The following SLC12A8 variants were observed in gnomAD, a reference collection of about 807,000 sequenced individuals.
SLC12A8 encodes cation-chloride cotransporter 9.
SLC12A8 carries 69 observed loss-of-function variants against 75.6 expected under a neutral mutation model. The ratio of observed to expected loss-of-function variants is 0.91; its 90% CI spans 0.75 to 1.11. The LOEUF is 1.11. Ranked by LOEUF, SLC12A8 falls within the 50% of genes most tolerant of loss-of-function variation. SLC12A8 has a pLI of 0.00. For synonymous variants in SLC12A8, 365 were observed against 372.8 expected, an observed-to-expected ratio of 0.98 and a Z score of 0.24; for missense variants, 877 against 896.7, an observed-to-expected ratio of 0.98 and a Z score of 0.28.
Position 125,107,579 on chromosome 3 carries a change from T to C in SLC12A8, c.1607A>G (p.Asn536Ser), listed in dbSNP as rs902316278. The C allele has an allele frequency of 6.2e-7, 1 of 1,614,142 alleles. No individual in the cohort carries two copies. The highest frequency in any genetic ancestry group is 8.5e-7 in the Non-Finnish European group (1 of 1,180,010). The change falls in exon 10 of 14, where the codon AAC becomes AGC. Residue 536 changes from asparagine (N) to serine (S), a missense_variant. By Grantham distance (46) the Asn-to-Ser change is conservative (BLOSUM62 1). Transcript: ENST00000469902. ...CCCTTCGCTCTTGGAAGTCTGCTTG[T>C]TCCAGCAGGACTCCTGCCCCTCCCA... ...ASWEGQESCW[N>S]KQTSKSEGTQ... is the part of the protein sequence containing the mutation.
chr3:125,146,453 T>TA (rs1298724492), intron 5 of SLC12A8, among the ~76,000 whole-genome samples: 2 of 152,114 alleles, frequency 1.3e-5, no homozygotes, highest in African/African-American at 2.4e-5. Context: ...TTTACCACAA[T>TA]AAAAAACAAA....
chr3:125,087,832 T>C (rs1938497478), intron 13 of SLC12A8, among the ~76,000 whole-genome samples: 1 of 152,088 alleles, frequency 6.6e-6, no homozygotes, highest in Non-Finnish European at 1.5e-5. Flanking sequence ...CCCACAGAAA[T>C]CCTCCAGGAT....
intron 5 of SLC12A8, among the ~76,000 whole-genome samples, chr3:125,141,942 G>A (rs1477801163): frequency 6.6e-6 from 1 of 152,164 alleles, no homozygotes; most frequent in Non-Finnish European, 1.5e-5. Context: ...TTCTGGGAAG[G>A]GACCCGCACG....
At chr3:125,193,468 C>T (rs1934946152) in intron 2 of SLC12A8, among the ~76,000 whole-genome samples, 1 of 152,222 alleles carries the variant, frequency 6.6e-6, no homozygotes, top group Non-Finnish European at 1.5e-5. Flanking sequence ...TTAGCTAGTG[C>T]CCAGAGCTCG....
At chr3:125,087,808 C>T (rs1271320224) in intron 13 of SLC12A8, among the ~76,000 whole-genome samples, 3 of 152,198 alleles carry the variant, frequency 2.0e-5, no homozygotes, top group Non-Finnish European at 4.4e-5. Context: ...TCCTGTATAT[C>T]TGACCATAGA....
chr3:125,167,762 C>T (rs952113249), intron 5 of SLC12A8, among the ~76,000 whole-genome samples: 5 of 152,152 alleles, frequency 3.3e-5, no homozygotes, highest in East Asian at 1.9e-4. Context: ...AGGTCTAATA[C>T]GGCATGGTGA....
chr3:125,125,021 T>C (rs1933162916), intron 6 of SLC12A8, among the ~76,000 whole-genome samples: 2 of 152,146 alleles, frequency 1.3e-5, no homozygotes, highest in African/African-American at 4.8e-5. Context: ...TTTTCGGTGC[T>C]GGGCTATTGT....
At chr3:125,206,499 C>A (rs770276270) in intron 2 of SLC12A8, among the ~76,000 whole-genome samples, 2 of 152,228 alleles carry the variant, frequency 1.3e-5, no homozygotes, top group African/African-American at 4.8e-5. Flanking sequence ...CTATCTACCT[C>A]TCTTGCCAGT....
chr3:125,118,993 G>T, intron 7 of SLC12A8, 137 bp from the exon 8 acceptor site: 1 of 584,906 alleles, frequency 1.7e-6, no homozygotes, highest in Non-Finnish European at 3.1e-6. Context: ...AGCTTCCCCA[G>T]CTGGCTTGGG....
At chr3:125,140,848 G>C (rs1933613536) in intron 5 of SLC12A8, among the ~76,000 whole-genome samples, 1 of 152,130 alleles carries the variant, frequency 6.6e-6, no homozygotes, top group Non-Finnish European at 1.5e-5. Flanking sequence ...GCCTCCCAAA[G>C]CACTGGGATT....
intron 5 of SLC12A8, among the ~76,000 whole-genome samples, chr3:125,141,187 A>G (rs1933626282): frequency 6.6e-6 from 1 of 151,736 alleles, no homozygotes; most frequent in African/African-American, 2.4e-5. Context: ...GGTGCGGGTA[A>G]GACAGAGAAC....
At chr3:125,146,643 G>A (rs1330128036) in intron 5 of SLC12A8, among the ~76,000 whole-genome samples, 1 of 152,226 alleles carries the variant, frequency 6.6e-6, no homozygotes, top group East Asian at 1.9e-4. Flanking sequence ...GGTGGAAGGT[G>A]AGGACAGAGC....
rs1934565708 is a variant in SLC12A8 at position 125,177,745 on chromosome 3, G to A, written c.620C>T (p.Pro207Leu). 1 of 1,613,370 alleles carries A rather than the reference G, an allele frequency of 6.2e-7. No individual in the cohort carries two copies. The highest frequency in any genetic ancestry group is 8.5e-7 in the Non-Finnish European group (1 of 1,179,396). ...FVVGSFTHLD[P>L]EHGFIGYSPE... ...ATACTGGACTCTGAAAGGCTTACCT[G>A]GGTCCAGGTGGGTGAAAGAACCCAC... Residue 207 changes from proline to leucine, a missense_variant and splice_region_variant, in exon 5 of 14, where the codon CCA becomes CTA. Pro to Leu is a moderately conservative substitution (Grantham distance 98). Transcript: ENST00000469902.
At chr3:125,196,614 T>C (rs1935012606) in intron 2 of SLC12A8, among the ~76,000 whole-genome samples, 1 of 152,158 alleles carries the variant, frequency 6.6e-6, no homozygotes, top group Non-Finnish European at 1.5e-5. Context: ...TATATTTACA[T>C]TCTTTCCCTC....
intron 2 of SLC12A8, among the ~76,000 whole-genome samples, chr3:125,191,026 A>G (rs997755353): frequency 6.6e-6 from 1 of 152,194 alleles, no homozygotes; most frequent in Non-Finnish European, 1.5e-5. Flanking sequence ...AGCTTCCGGC[A>G]GTTGACATTT....
chr3:125,169,084 G>C (rs1437805350), intron 5 of SLC12A8, among the ~76,000 whole-genome samples: 1 of 152,114 alleles, frequency 6.6e-6, no homozygotes. Flanking sequence ...CAGAACATAG[G>C]ATTCAAATGT....
chr3:125,128,471 C>T (rs1396262522), intron 6 of SLC12A8, among the ~76,000 whole-genome samples: 47 of 134,636 alleles, frequency 3.5e-4, no homozygotes, highest in South Asian at 2.6e-3. Context: ...TGAGCCACCG[C>T]GCCCGGCCTT....
chr3:125,135,883 A>G lies in SLC12A8; in HGVS notation c.623-101T>C, dbSNP rs998808297. 5.4e-5 allele frequency: 35 copies of G among 653,068 alleles called. No individual in the cohort carries two copies. In the Admixed American group the frequency reaches 7.7e-4, roughly 14 times the overall value. 40.5% of individuals were successfully genotyped at this position (653,068 alleles called of 1,614,324 possible). A position where few individuals can be genotyped will look rare whatever the true frequency, so the allele number is the denominator to read the frequency against. ...TTTCATATATCGCTTTAAATATTGG[A>G]AAGGTAGGGGCATGTATGTGACACA... On this transcript the variant is annotated intron_variant, in intron 5 of 13. Transcript: ENST00000469902.
At chr3:125,126,672 T>G (rs534824197) in intron 6 of SLC12A8, among the ~76,000 whole-genome samples, 74 of 152,220 alleles carry the variant, frequency 4.9e-4, no homozygotes, top group Non-Finnish European at 9.6e-4. Flanking sequence ...TTCCTGTTAG[T>G]TCATAAAGGA....
Sources: gnomAD v4.1 joint callset for allele counts (sites outside exome capture counted in the v4.1 genomes callset) on GRCh38, gnomAD v4.1.1 for gene constraint, MANE v1.5 for transcripts, NCBI Gene and HGNC (gene_info 2026-07-23, HGNC 2026-07-21) for gene names.